ADGRL3: variants seen among roughly 807,000 people sequenced by gnomAD.
ADGRL3 encodes the protein calcium-independent alpha-latrotoxin receptor 3.
Under a neutral mutation model 153.5 loss-of-function variants are expected in ADGRL3, and 62 were observed. The observed-to-expected ratio is 0.40, with a 90% CI of 0.33 to 0.50. ADGRL3 has a LOEUF of 0.50. Ranked by LOEUF, ADGRL3 falls within the 20% of genes least tolerant of loss-of-function variation. ADGRL3 has a pLI of 0.47. For missense variants in ADGRL3, 1,641 were observed against 1,859.4 expected (o/e 0.88, Z 2.16); for synonymous variants, 710 against 672.5 (o/e 1.06, Z -0.86).
At chr4:61,295,644 T>C (rs1043681938) in intron 1 of ADGRL3, among the ~76,000 whole-genome samples, 3 of 152,102 alleles carry the variant, frequency 2.0e-5, no homozygotes, top group African/African-American at 7.2e-5. Context: ...TTCTGTATAA[T>C]ACTTAGGAAT....
At chr4:61,869,764 C>A (rs1468621691) in intron 9 of ADGRL3, among the ~76,000 whole-genome samples, 2 of 150,280 alleles carry the variant, frequency 1.3e-5, no homozygotes, top group Non-Finnish European at 3.0e-5. Flanking sequence ...CATGGAGAAA[C>A]CCCGTCTCTA....
At position 61,543,424 on chromosome 4, in the gene ADGRL3, C is replaced by T. The variant is rs138256830; in HGVS notation, c.259+25906C>T. Among the ~76,000 whole-genome samples the T allele has an allele frequency of 4.0e-3, 603 of 152,246 alleles. 1 individual carries two copies. Among genetic ancestry groups the T allele is most frequent in the South Asian group, 6.8e-3 (33 of 4,830 alleles). On this transcript the variant is annotated intron_variant, in intron 4 of 26. Transcript: ENST00000683033. ...GATGAAGGAAAGGAGCTTCTAAAAG[C>T]TAGAATGCTCCCTTACTGGCAGAGA...
intron 2 of ADGRL3, among the ~76,000 whole-genome samples, chr4:61,435,692 C>T (rs1408854304): frequency 1.3e-5 from 2 of 150,508 alleles, no homozygotes; most frequent in African/African-American, 4.8e-5. Flanking sequence ...TTCTCCTCCT[C>T]TCCGGTCTTT....
chr4:61,876,147 T>C (rs908508138), intron 9 of ADGRL3, among the ~76,000 whole-genome samples: 1 of 152,340 alleles, frequency 6.6e-6, no homozygotes, highest in Non-Finnish European at 1.5e-5. Context: ...TTTGCACTGC[T>C]TGCATATCTC....
chr4:61,610,774 A>C (rs928686132), intron 5 of ADGRL3, among the ~76,000 whole-genome samples: 2 of 139,488 alleles, frequency 1.4e-5, no homozygotes, highest in African/African-American at 5.4e-5. Context: ...AGAACCTTAC[A>C]TTAATGCATT....
intron 8 of ADGRL3, among the ~76,000 whole-genome samples, chr4:61,754,822 A>G (rs1305078935): frequency 6.6e-6 from 1 of 150,516 alleles, no homozygotes; most frequent in Non-Finnish European, 1.5e-5. Context: ...TCCTGTGTCC[A>G]TGTGTTCTCA....
chr4:61,913,771 A>G (rs1430523803), intron 13 of ADGRL3, among the ~76,000 whole-genome samples: 1 of 152,172 alleles, frequency 6.6e-6, no homozygotes, highest in Non-Finnish European at 1.5e-5. Context: ...ATAATTAGAA[A>G]GTGACTTAGT....
chr4:61,599,728 G>A (rs1050379016), intron 5 of ADGRL3, among the ~76,000 whole-genome samples: 21 of 152,248 alleles, frequency 1.4e-4, no homozygotes, highest in African/African-American at 5.1e-4. Flanking sequence ...GGGAAAAGGG[G>A]TTCTGGTTTC....
chr4:61,515,277 A>G (rs1329399327), intron 3 of ADGRL3, among the ~76,000 whole-genome samples: 1 of 152,222 alleles, frequency 6.6e-6, no homozygotes, highest in East Asian at 1.9e-4. Flanking sequence ...AGCAACTTAC[A>G]GTCACACAAC....
intron 24 of ADGRL3, among the ~76,000 whole-genome samples, chr4:62,042,054 T>C (rs1332177955): frequency 1.3e-5 from 2 of 152,012 alleles, no homozygotes; most frequent in Non-Finnish European, 2.9e-5. Context: ...GAAAGGTATA[T>C]AGTATGGAAA....
At chr4:62,002,894 A>T (rs79455462) in intron 21 of ADGRL3, among the ~76,000 whole-genome samples, 2,010 of 152,254 alleles carry the variant, frequency 0.013, 29 homozygotes, top group Middle Eastern at 0.024. Flanking sequence ...CACAAAATTA[A>T]CTTACAGTAT....
intron 2 of ADGRL3, chr4:61,420,160 A>C (rs1269154226): frequency 1.3e-5 from 2 of 152,078 alleles, no homozygotes; most frequent in African/African-American, 4.8e-5. Context: ...GGGCATGACA[A>C]CATAATAAAA....
intron 2 of ADGRL3, among the ~76,000 whole-genome samples, chr4:61,433,408 G>A (rs2097401076): frequency 6.7e-6 from 1 of 149,464 alleles, no homozygotes; most frequent in Non-Finnish European, 1.5e-5. Context: ...AAGCTATAAT[G>A]TCTATGTTGC....
chr4:61,662,069 G>T (rs546156275), intron 5 of ADGRL3, among the ~76,000 whole-genome samples: 1 of 152,336 alleles, frequency 6.6e-6, no homozygotes, highest in African/African-American at 2.4e-5. Context: ...GCTACAGTCG[G>T]GGAGGCAAGG....
intron 5 of ADGRL3, among the ~76,000 whole-genome samples, chr4:61,668,348 C>CTT (rs2094874001): frequency 6.6e-6 from 1 of 152,178 alleles, no homozygotes; most frequent in African/African-American, 2.4e-5. Flanking sequence ...ATGCCAGCAT[C>CTT]TTGGTTTTAG....
chr4:61,666,905 T>C (rs1437720505), intron 5 of ADGRL3, among the ~76,000 whole-genome samples: 2 of 152,140 alleles, frequency 1.3e-5, no homozygotes, highest in Non-Finnish European at 2.9e-5. Flanking sequence ...ATGAAAATCT[T>C]TTACCATTTT....
chr4:61,646,803 A>G (rs1017399277), intron 5 of ADGRL3, among the ~76,000 whole-genome samples: 1 of 152,114 alleles, frequency 6.6e-6, no homozygotes, highest in Non-Finnish European at 1.5e-5. Flanking sequence ...GGTGGGCTCC[A>G]CCCAGTTTGA....
intron 8 of ADGRL3, among the ~76,000 whole-genome samples, chr4:61,811,120 C>A (rs1370318498): frequency 6.6e-6 from 1 of 152,046 alleles, no homozygotes; most frequent in Non-Finnish European, 1.5e-5. Context: ...CCATATGACA[C>A]AGTAAATCCA....
chr4:61,376,306 T>C (rs1024127575), intron 1 of ADGRL3, among the ~76,000 whole-genome samples: 7 of 135,946 alleles, frequency 5.1e-5, no homozygotes, highest in African/African-American at 1.6e-4. Flanking sequence ...AAACCATGAT[T>C]AGTATGCAAA....
Sources: allele counts gnomAD v4.1 joint callset (sites outside exome capture counted in the v4.1 genomes callset), GRCh38; gene constraint gnomAD v4.1.1; transcripts MANE v1.5; gene names NCBI Gene and HGNC (gene_info 2026-07-23, HGNC 2026-07-21).